THEMIS: variants seen among roughly 807,000 people sequenced by gnomAD.
THEMIS encodes the protein protein THEMIS.
In THEMIS, 37 loss-of-function variants were observed where a neutral mutation model predicts 52.6. That is an observed-to-expected ratio of 0.70 (90% CI 0.54 to 0.93). THEMIS has a LOEUF of 0.93. THEMIS is among the 40% of genes least tolerant of loss of function. The pLI is 0.00. For synonymous variants in THEMIS, 292 were observed against 272.7 expected, an observed-to-expected ratio of 1.07 and a Z score of -0.70; for missense variants, 808 against 763.1, an observed-to-expected ratio of 1.06 and a Z score of -0.69.
At chr6:127,767,976 G>T (rs1254423367) in intron 4 of THEMIS, among the ~76,000 whole-genome samples, 1 of 152,106 alleles carries the variant, frequency 6.6e-6, no homozygotes, top group Non-Finnish European at 1.5e-5. Context: ...TCCTTATGGG[G>T]CATGTTGACT....
intron 4 of THEMIS, among the ~76,000 whole-genome samples, chr6:127,762,825 C>G (rs1583246239): frequency 6.6e-6 from 1 of 152,170 alleles, no homozygotes; most frequent in East Asian, 1.9e-4. Context: ...CCTTGCATTA[C>G]CTGCTTTTGC....
intron 4 of THEMIS, among the ~76,000 whole-genome samples, chr6:127,806,865 GC>G (rs1250642240): frequency 1.3e-5 from 2 of 152,192 alleles, no homozygotes; most frequent in Non-Finnish European, 2.9e-5. Context: ...CGAGGTTTCA[GC>G]TATAACTCAA....
chr6:127,892,390 T>C (rs937397698), intron 1 of THEMIS, among the ~76,000 whole-genome samples: 2 of 152,168 alleles, frequency 1.3e-5, no homozygotes, highest in Non-Finnish European at 2.9e-5. Context: ...AAAGATCACC[T>C]TTCACCTCAC....
intron 1 of THEMIS, among the ~76,000 whole-genome samples, chr6:127,865,671 A>AT (rs1200383050): frequency 2.6e-5 from 4 of 152,214 alleles, no homozygotes; most frequent in African/African-American, 7.2e-5. Context: ...CAATAAAATG[A>AT]TTTTTTCCAG....
At chr6:127,891,460 C>T (rs1489028111) in intron 1 of THEMIS, among the ~76,000 whole-genome samples, 3 of 148,148 alleles carry the variant, frequency 2.0e-5, no homozygotes, top group African/African-American at 7.5e-5. Context: ...CGCTTGAATC[C>T]GGGAGGTGGA....
At chr6:127,825,160 A>T (rs1244344546) in intron 3 of THEMIS, among the ~76,000 whole-genome samples, 1 of 152,146 alleles carries the variant, frequency 6.6e-6, no homozygotes, top group Non-Finnish European at 1.5e-5. Flanking sequence ...ATAGAAAAGA[A>T]AAAAGGCCCT....
intron 2 of THEMIS, among the ~76,000 whole-genome samples, chr6:127,845,897 C>T (rs186195103): frequency 1.3e-5 from 2 of 151,850 alleles, no homozygotes; most frequent in East Asian, 1.9e-4. Flanking sequence ...TAAACACATG[C>T]CCAGGACTGT....
chr6:127,866,854 A>G (rs1779995071), intron 1 of THEMIS, among the ~76,000 whole-genome samples: 1 of 151,894 alleles, frequency 6.6e-6, no homozygotes, highest in African/African-American at 2.4e-5. Context: ...CAGAAGGGAC[A>G]CACAAATATA....
chr6:127,847,408 C>A (rs2114714199), intron 2 of THEMIS, among the ~76,000 whole-genome samples: 1 of 152,018 alleles, frequency 6.6e-6, no homozygotes, highest in Middle Eastern at 3.4e-3. Context: ...CAAAAAGCTC[C>A]CAGATCTGAT....
chr6:127,721,228 T>C (rs867286186), intron 4 of THEMIS, among the ~76,000 whole-genome samples: 2 of 151,994 alleles, frequency 1.3e-5, no homozygotes, highest in Non-Finnish European at 2.9e-5. Context: ...GTCTAGATCA[T>C]CTGAGACCAG....
chr6:127,844,810 AT>A (rs772572037), intron 2 of THEMIS, among the ~76,000 whole-genome samples: 122 of 152,008 alleles, frequency 8.0e-4, no homozygotes, highest in South Asian at 1.0e-3. Flanking sequence ...AATAGGATAT[AT>A]TTTTGTTGCT....
intron 1 of THEMIS, among the ~76,000 whole-genome samples, chr6:127,913,858 C>G (rs531616890): frequency 6.6e-6 from 1 of 152,230 alleles, no homozygotes; most frequent in Non-Finnish European, 1.5e-5. Flanking sequence ...TGTGTGCTTG[C>G]TAGAACTTAA....
At chr6:127,780,922 A>C (rs559724033) in intron 4 of THEMIS, among the ~76,000 whole-genome samples, 12 of 152,094 alleles carry the variant, frequency 7.9e-5, no homozygotes, top group African/African-American at 2.9e-4. Flanking sequence ...GTATTTCCTG[A>C]ATCTGAATGT....
At chr6:127,769,664 T>C (rs1225955318) in intron 4 of THEMIS, among the ~76,000 whole-genome samples, 1 of 152,160 alleles carries the variant, frequency 6.6e-6, no homozygotes, top group Non-Finnish European at 1.5e-5. Flanking sequence ...AATTCTAGGG[T>C]ACATGTGCAC....
chr6:127,904,511 G>A (rs1174930575), upstream of THEMIS, among the ~76,000 whole-genome samples: 5 of 152,022 alleles, frequency 3.3e-5, no homozygotes, highest in African/African-American at 7.2e-5. Context: ...GGATTAAAGT[G>A]GTCTGCCCCT....
At chr6:127,904,005 C>G (rs1257400506), upstream of THEMIS, among the ~76,000 whole-genome samples, 1 of 152,060 alleles carries the variant, frequency 6.6e-6, no homozygotes, top group Non-Finnish European at 1.5e-5. Flanking sequence ...ACTCCATATT[C>G]TGCACTTCTT....
chr6:127,915,533 C>T (rs538597252), intron 1 of THEMIS, among the ~76,000 whole-genome samples: 123 of 149,420 alleles, frequency 8.2e-4, no homozygotes, highest in Non-Finnish European at 1.6e-3. Flanking sequence ...GGGCTCTGTA[C>T]TCTGCTTGGG....
chr6:127,773,870 T>C (rs112678554), intron 4 of THEMIS, among the ~76,000 whole-genome samples: 32 of 152,362 alleles, frequency 2.1e-4, no homozygotes, highest in African/African-American at 7.2e-4. Flanking sequence ...AGTTAATGGC[T>C]TATATTAGAG....
At chr6:127,756,486 CA>C (rs1355485071) in intron 4 of THEMIS, among the ~76,000 whole-genome samples, 1 of 152,022 alleles carries the variant, frequency 6.6e-6, no homozygotes, top group Non-Finnish European at 1.5e-5. Flanking sequence ...TGTAAAAAAC[CA>C]TTACAGAAAC....
Sources: allele counts gnomAD v4.1 joint callset (sites outside exome capture counted in the v4.1 genomes callset), GRCh38; gene constraint gnomAD v4.1.1; transcripts MANE v1.5; gene names NCBI Gene and HGNC (gene_info 2026-07-23, HGNC 2026-07-21).